Variants in REV3L observed in about 807,000 individuals in gnomAD.
REV3L encodes the protein REV3 like, DNA directed polymerase zeta catalytic subunit, also known as DNA polymerase zeta catalytic subunit.
Under a neutral mutation model 299.4 loss-of-function variants are expected in REV3L, and 69 were observed. The observed-to-expected ratio is 0.23, with a 90% CI of 0.19 to 0.28. REV3L has a LOEUF of 0.28. Among genes scored for constraint, REV3L ranks in the 10% least tolerant of loss-of-function variants. The pLI, the probability that REV3L is intolerant of heterozygous loss-of-function variation, is 1.00. For synonymous variants in REV3L, 1,238 were observed against 1,271.4 expected, an observed-to-expected ratio of 0.97 and a Z score of 0.56; for missense variants, 3,128 against 3,693.8, an observed-to-expected ratio of 0.85 and a Z score of 3.97.
Position 111,373,505 on chromosome 6 carries a change from G to A in REV3L, c.4850C>T (p.Ser1617Leu). The A allele has an allele frequency of 6.2e-7, 1 of 1,613,294 alleles. No individual in the cohort carries two copies. Among genetic ancestry groups the A allele is most frequent in the East Asian group, 2.2e-5 (1 of 44,866 alleles). Residue 1617 changes from serine (S) to leucine (L), a missense_variant, in exon 13 of 32, where the codon TCA (serine) becomes TTA (leucine). Coordinates refer to ENST00000368802, the MANE Select transcript of REV3L (RefSeq NM_001372078.1). ...TGAAAAAAAGATGGGACTATCATCT[G>A]ATACAGAGTTATCCAACTGGCTAGA... is the stretch of plus-strand genomic sequence containing the variant. ...QNSSQLDNSVSDDSPIFFSDP... is the reference protein window; with the variant it reads ...QNSSQLDNSVLDDSPIFFSDP...
At chr6:111,339,023 G>A (rs972468221) in intron 21 of REV3L, among the ~76,000 whole-genome samples, 4 of 152,106 alleles carry the variant, frequency 2.6e-5, no homozygotes, top group Non-Finnish European at 5.9e-5. Context: ...GTGTGAAACA[G>A]TGGTTTCACT....
At chr6:111,366,612 A>G (rs776473460) in intron 14 of REV3L, among the ~76,000 whole-genome samples, 10 of 148,382 alleles carry the variant, frequency 6.7e-5, no homozygotes, top group Admixed American at 5.5e-4. Flanking sequence ...GGTTTTAGCT[A>G]TAAGTTTACT....
Position 111,373,220 on chromosome 6 carries a change from G to A in REV3L, c.5135C>T (p.Thr1712Ile), listed in dbSNP as rs1205775393. 2.5e-6 allele frequency: 4 copies of A among 1,613,990 alleles called. No homozygotes were observed. Among genetic ancestry groups the A allele is most frequent in the Admixed American group, 3.3e-5 (2 of 60,004 alleles). ...AGATCTAATCCATGAGGCTGAGTCT[G>A]TGGTATGATGCTTGTCTTCATCACA... ...QKCDEDKHHT[T>I]DSASWIRSGT... The change falls in exon 13 of 32, where the codon ACA (threonine) becomes ATA (isoleucine). Residue 1712 changes from threonine to isoleucine, a missense_variant. Coordinates refer to ENST00000368802, the MANE Select transcript of REV3L (RefSeq NM_001372078.1).
rs1269517839 is a variant in REV3L at position 111,446,574 on chromosome 6, G to A, written c.140-30102C>T. 2.0e-5 allele frequency among the ~76,000 whole-genome samples: 3 copies of A among 152,094 alleles called. No individual in the cohort carries two copies. In the South Asian group the frequency reaches 6.2e-4, roughly 32 times the overall value. On this transcript the variant is annotated intron_variant, in intron 1 of 31. Coordinates refer to ENST00000368802, the MANE Select transcript of REV3L (RefSeq NM_001372078.1). ...CAATTAGCCAGGCGAGTTGGCAGGC[G>A]CCTGTAGTCCCAGCTACTCAGGAGG...
chr6:111,309,824 A>T, intron 30 of REV3L, 29 bp downstream of exon 30: 1 of 1,599,966 alleles, frequency 6.3e-7, no homozygotes, highest in Non-Finnish European at 8.5e-7. Context: ...CTCCATAGTT[A>T]GAGCACATGT....
intron 1 of REV3L, among the ~76,000 whole-genome samples, chr6:111,464,739 C>T (rs945817035): frequency 5.9e-5 from 9 of 152,162 alleles, no homozygotes; most frequent in East Asian, 1.9e-4. Flanking sequence ...TGGTTGCTCA[C>T]GCCTGTAATC....
chr6:111,407,401 G>A (rs1783760525), intron 3 of REV3L, among the ~76,000 whole-genome samples: 1 of 152,156 alleles, frequency 6.6e-6, no homozygotes, highest in Non-Finnish European at 1.5e-5. Context: ...AACAACCATA[G>A]ATGTTAAAAT....
upstream of REV3L, chr6:111,483,475 A>C (rs1219800021): frequency 2.1e-6 from 1 of 486,928 alleles, no homozygotes; most frequent in East Asian, 5.0e-5. Context: ...GGGGCAGCGG[A>C]AGGGGCGGCG....
In REV3L at chr6:111,309,867, G is replaced by A; in HGVS notation, c.9028C>T (p.His3010Tyr). The change falls in exon 30 of 32, where the codon CAT (histidine) becomes TAT (tyrosine). Residue 3010 changes from histidine to tyrosine, a missense_variant. His to Tyr is a moderately conservative substitution (Grantham distance 83, BLOSUM62 2). Around this residue, in one of 9 missense-constraint regions of REV3L, gnomAD observed 294 missense variants for 377.0 expected, o/e 0.78. Transcript: ENST00000368802. ...LIGIDVFSWY[H>Y]ELPRIHKATS... ...GGTAAGCTTACCCTTGGTAATTCATGATACCAGCTGAAGACATCAATACCA... is the reference window on the plus strand; with the variant it reads ...GGTAAGCTTACCCTTGGTAATTCATAATACCAGCTGAAGACATCAATACCA... 1 of 1,613,720 alleles carries A rather than the reference G, an allele frequency of 6.2e-7. No homozygotes were observed. The highest frequency in any genetic ancestry group is 1.1e-5 in the South Asian group (1 of 91,002).
At chr6:111,396,642 C>A (rs1782543476) in intron 4 of REV3L, among the ~76,000 whole-genome samples, 2 of 152,040 alleles carry the variant, frequency 1.3e-5, no homozygotes, top group Admixed American at 1.3e-4. Context: ...TATTGGGAGA[C>A]CTTTAAATTA....
chr6:111,471,177 A>G (rs1319030036), intron 1 of REV3L, among the ~76,000 whole-genome samples: 1 of 152,084 alleles, frequency 6.6e-6, no homozygotes, highest in Non-Finnish European at 1.5e-5. Flanking sequence ...TTCACAAGAG[A>G]GCAATAAATC....
intron 1 of REV3L, among the ~76,000 whole-genome samples, chr6:111,417,562 T>C (rs567333421): frequency 1.4e-4 from 22 of 152,316 alleles, no homozygotes; most frequent in African/African-American, 5.3e-4. Context: ...CTCACTCTGC[T>C]TCACTGGGCC....
In REV3L at chr6:111,415,886, A is replaced by T. The variant is rs185262369; in HGVS notation, c.329+397T>A. On this transcript the variant is annotated intron_variant, in intron 2 of 31. Coordinates refer to ENST00000368802, the MANE Select transcript of REV3L (RefSeq NM_001372078.1). Reference sequence around the variant, plus strand: ...AGCAAATAAATTAATTTAATGTTGTATTTATTGGTTATTATCTGTTTCCCG... The same window carrying T: ...AGCAAATAAATTAATTTAATGTTGTTTTTATTGGTTATTATCTGTTTCCCG... 1.5e-3 allele frequency among the ~76,000 whole-genome samples: 227 copies of T among 152,272 alleles called. 3 individuals carry two copies. Among genetic ancestry groups the T allele is most frequent in the Admixed American group, 2.0e-3 (30 of 15,276 alleles).
intron 20 of REV3L, among the ~76,000 whole-genome samples, chr6:111,346,986 T>C (rs1488493637): frequency 1.3e-5 from 2 of 152,122 alleles, no homozygotes; most frequent in African/African-American, 2.4e-5. Context: ...AAATATATAA[T>C]GAGGCCTGGG....
At chr6:111,399,734 CAT>C (rs1435708813) in intron 4 of REV3L, among the ~76,000 whole-genome samples, 5 of 152,082 alleles carry the variant, frequency 3.3e-5, no homozygotes, top group African/African-American at 1.2e-4. Context: ...TATCACATCA[CAT>C]GAGGGGCCAC....
intron 1 of REV3L, among the ~76,000 whole-genome samples, chr6:111,458,821 T>C (rs1417699266): frequency 5.1e-4 from 78 of 152,234 alleles, no homozygotes; most frequent in East Asian, 1.9e-4. Context: ...TGCTCATGGA[T>C]TGGAAGAATC....
chr6:111,453,795 C>T (rs1789838156), intron 1 of REV3L, among the ~76,000 whole-genome samples: 2 of 151,926 alleles, frequency 1.3e-5, no homozygotes, highest in East Asian at 1.9e-4. Flanking sequence ...ACCAGCCTGG[C>T]CAGCATGGTG....
chr6:111,323,005 T>C (rs1774363097), intron 25 of REV3L, among the ~76,000 whole-genome samples: 2 of 152,128 alleles, frequency 1.3e-5, no homozygotes, highest in Admixed American at 1.3e-4. Context: ...TTTTTTTTTT[T>C]TTTTGAGGAG....
Position 111,309,918 on chromosome 6 carries a change from G to A in REV3L, c.8977C>T (p.Pro2993Ser). 6.2e-7 allele frequency: 1 copy of A among 1,614,092 alleles called. No individual in the cohort carries two copies. The highest frequency in any genetic ancestry group is 8.5e-7 in the Non-Finnish European group (1 of 1,179,990). ...TYYITKQILPPLARIFSLIGI... is the reference protein window; with the variant it reads ...TYYITKQILPSLARIFSLIGI... ...ATAAGTGAGAAGATTCTTGCCAAGG[G>A]TGGAAGGATTTGCTTGGTAATATAG... is the stretch of plus-strand genomic sequence containing the variant. Residue 2993 changes from proline (P) to serine (S), a missense_variant, in exon 30 of 32, where the codon CCC (proline) becomes TCC (serine). Coordinates refer to ENST00000368802, the MANE Select transcript of REV3L (RefSeq NM_001372078.1).
Sources: allele counts gnomAD v4.1 joint callset (sites outside exome capture counted in the v4.1 genomes callset), GRCh38; gene constraint gnomAD v4.1.1; regional missense constraint gnomAD v4.1.1; transcripts MANE v1.5; gene names NCBI Gene and HGNC (gene_info 2026-07-23, HGNC 2026-07-21).